ATP9B: variants seen among roughly 807,000 people sequenced by gnomAD.
ATP9B encodes the protein probable phospholipid-transporting ATPase IIB.
A neutral mutation model predicts 146.1 loss-of-function variants in ATP9B; 110 were observed. The observed-to-expected ratio is 0.75, with a 90% confidence interval of 0.65 to 0.88. The LOEUF (loss-of-function observed/expected upper bound fraction) is 0.88. ATP9B is among the 40% of genes least tolerant of loss of function. The probability of loss-of-function intolerance (pLI) is 0.00; values close to 1 mark genes in which losing one functional copy is unlikely to be tolerated. For missense variants in ATP9B, 1,499 were observed against 1,496.4 expected, an observed-to-expected ratio of 1.00 and a Z score of -0.03; for synonymous variants, 604 against 569.7, an observed-to-expected ratio of 1.06 and a Z score of -0.86.
At chr18:79,140,870 C>A (rs2094505846) in intron 5 of ATP9B, among the ~76,000 whole-genome samples, 1 of 152,036 alleles carries the variant, frequency 6.6e-6, no homozygotes, top group East Asian at 1.9e-4. Flanking sequence ...TTCATGGGAA[C>A]AAGTGAGATG....
intron 5 of ATP9B, among the ~76,000 whole-genome samples, chr18:79,137,444 G>GGC (rs1272394024): frequency 6.6e-6 from 1 of 152,140 alleles, no homozygotes; most frequent in Non-Finnish European, 1.5e-5. Flanking sequence ...TACTTGGATA[G>GGC]GCCTTGCTTT....
intron 25 of ATP9B, chr18:79,352,426 C>T (rs535844897): frequency 5.3e-5 from 8 of 152,264 alleles, no homozygotes; most frequent in East Asian, 3.9e-4. Flanking sequence ...TGCTTCCAGC[C>T]GTGATAAACA....
rs1045848394 is a variant in ATP9B, at chr18:79,160,371, C to T, written c.778+5816C>T. Among the ~76,000 whole-genome samples the T allele has an allele frequency of 2.6e-5, 4 of 152,308 alleles. No homozygotes were observed. The South Asian group carries it at 8.3e-4, about 32-fold the overall frequency. Reference sequence around the variant, plus strand: ...TTGCAGTTACACAGAAGTATATTTTCAGAGGTTTTTATACTGCCATCCCTG... The same window carrying T: ...TTGCAGTTACACAGAAGTATATTTTTAGAGGTTTTTATACTGCCATCCCTG... On this transcript the variant is annotated intron_variant, in intron 7 of 29. Transcript: ENST00000426216.
intron 1 of ATP9B, among the ~76,000 whole-genome samples, chr18:79,069,924 C>T (rs1215960057): frequency 6.6e-6 from 1 of 152,236 alleles, no homozygotes; most frequent in African/African-American, 2.4e-5. Context: ...ACGGATGTAA[C>T]TTTTAATTGC....
chr18:79,117,927 A>G (rs1209112887), intron 4 of ATP9B: 3 of 152,206 alleles, frequency 2.0e-5, no homozygotes, highest in Non-Finnish European at 2.9e-5. Flanking sequence ...ATTATTTTGT[A>G]TGCTTTAACA....
intron 12 of ATP9B, among the ~76,000 whole-genome samples, chr18:79,270,326 G>C (rs950647634): frequency 6.6e-6 from 1 of 152,120 alleles, no homozygotes; most frequent in African/African-American, 2.4e-5. Context: ...GTGTCTGTGT[G>C]TGTGTGTACA....
chr18:79,283,852 C>T (rs538965958), intron 13 of ATP9B, among the ~76,000 whole-genome samples: 45 of 152,308 alleles, frequency 3.0e-4, no homozygotes, highest in African/African-American at 1.0e-3. Context: ...TTGCATTTGA[C>T]AGTGCCATTG....
At chr18:79,211,440 C>G (rs957988763) in intron 10 of ATP9B, among the ~76,000 whole-genome samples, 1 of 152,334 alleles carries the variant, frequency 6.6e-6, no homozygotes, top group Admixed American at 6.5e-5. Context: ...GAATGACTTG[C>G]AGACCATCCA....
At position 79,073,625 on chromosome 18, in the gene ATP9B, C is replaced by T. The variant is rs557495275; in HGVS notation, c.119+4096C>T. On this transcript the variant is annotated intron_variant, in intron 1 of 29. Coordinates refer to ENST00000426216, the MANE Select transcript of ATP9B (RefSeq NM_198531.5). The stretch of plus-strand genomic sequence containing the variant: ...GAGGGAGACCGTGGAAAGCGGGAGA[C>T]GGAGACGAGGGAGGGGGGAGACCGT... Among the ~76,000 whole-genome samples, 69 of 152,078 alleles carry T rather than the reference C, an allele frequency of 4.5e-4. No homozygotes were observed. In the East Asian group the frequency reaches 8.3e-3, roughly 18 times the overall value.
chr18:79,071,049 C>CTTTTTTTTTTTTT (rs746689031), intron 1 of ATP9B, among the ~76,000 whole-genome samples: 8 of 112,366 alleles, frequency 7.1e-5, no homozygotes, highest in Non-Finnish European at 1.3e-4. Context: ...ATTCCTGTTT[C>CTTTTTTTTTTTTT]TTTTTTTTTT....
intron 2 of ATP9B, among the ~76,000 whole-genome samples, chr18:79,096,983 C>T (rs2074837298): frequency 6.6e-6 from 1 of 151,862 alleles, no homozygotes; most frequent in Non-Finnish European, 1.5e-5. Context: ...CATGGTGAAA[C>T]CCCATTTCTA....
At chr18:79,077,359 C>T (rs2072741705) in intron 1 of ATP9B, among the ~76,000 whole-genome samples, 1 of 152,104 alleles carries the variant, frequency 6.6e-6, no homozygotes, top group African/African-American at 2.4e-5. Context: ...GGGAAGGTAC[C>T]ATGTGACTGC....
rs774379590 is a variant in ATP9B, at chr18:79,176,899, G to T, written c.865G>T (p.Ala289Ser). The stretch of plus-strand genomic sequence containing the variant: ...AGTGAGCTGCACGCAACAGCTGCCG[G>T]CTCTGGGGGTGAGCAGCACCAAGAC... ...VAVSCTQQLP[A>S]LGDLFSISAY... is the part of the protein sequence containing the mutation. The change falls in exon 8 of 30, where the codon GCT becomes TCT. Residue 289 changes from alanine to serine, a missense_variant. Coordinates refer to ENST00000426216, the MANE Select transcript of ATP9B (RefSeq NM_198531.5). The T allele has an allele frequency of 6.2e-7, 1 of 1,613,874 alleles. No homozygotes were observed. The highest frequency in any genetic ancestry group is 1.7e-5 in the Admixed American group (1 of 59,976).
chr18:79,180,419 A>G (rs570507559), intron 8 of ATP9B, among the ~76,000 whole-genome samples: 5 of 152,252 alleles, frequency 3.3e-5, no homozygotes, highest in East Asian at 1.9e-4. Flanking sequence ...ACTTACCGCA[A>G]TATTTCTCCA....
chr18:79,158,357 A>C (rs2094827578), intron 7 of ATP9B, among the ~76,000 whole-genome samples: 1 of 151,960 alleles, frequency 6.6e-6, no homozygotes, highest in East Asian at 1.9e-4. Flanking sequence ...CACTATGATG[A>C]TCACTGTAAC....
chr18:79,199,797 C>A (rs1187288039), intron 9 of ATP9B, among the ~76,000 whole-genome samples: 1 of 151,504 alleles, frequency 6.6e-6, no homozygotes, highest in Admixed American at 6.6e-5. Context: ...CAGACACACA[C>A]ACACACACAT....
intron 11 of ATP9B, among the ~76,000 whole-genome samples, chr18:79,235,695 G>A (rs1466452992): frequency 6.6e-6 from 1 of 150,662 alleles, no homozygotes; most frequent in Non-Finnish European, 1.5e-5. Context: ...TCCTCACCAA[G>A]GTGACCACCA....
chr18:79,339,503 G>T (rs1011217224), intron 19 of ATP9B, among the ~76,000 whole-genome samples: 9 of 151,822 alleles, frequency 5.9e-5, no homozygotes, highest in Non-Finnish European at 1.0e-4. Flanking sequence ...GAAGTGTCAT[G>T]ATCGTAGTAG....
rs12963052 is a variant in ATP9B at position 79,275,896 on chromosome 18, T to C, written c.1269-1158T>C. On this transcript the variant is annotated intron_variant, in intron 12 of 29. Transcript: ENST00000426216. ...TAGAATTTTTAAGATATGAACTCTA[T>C]GGACAGATAAGTCAAAGTATGATTA... is the stretch of plus-strand genomic sequence containing the variant. 1.2e-4 allele frequency among the ~76,000 whole-genome samples: 18 copies of C among 152,244 alleles called. No homozygotes were observed. The East Asian group carries it at 2.1e-3, about 18-fold the overall frequency.
Sources: gnomAD v4.1 joint callset for allele counts (sites outside exome capture counted in the v4.1 genomes callset) on GRCh38, gnomAD v4.1.1 for gene constraint, MANE v1.5 for transcripts, NCBI Gene and HGNC (gene_info 2026-07-23, HGNC 2026-07-21) for gene names.